Variants in CNTNAP2 observed in about 807,000 individuals in gnomAD.
The protein encoded by CNTNAP2 is contactin associated protein 2, also known as contactin-associated protein-like 2.
A neutral mutation model predicts 155.2 loss-of-function variants in CNTNAP2; 98 were observed. The observed-to-expected ratio is 0.63, with a 90% confidence interval of 0.54 to 0.75. CNTNAP2 has a LOEUF of 0.75. Ranked by LOEUF, CNTNAP2 falls within the 30% of genes least tolerant of loss-of-function variation. CNTNAP2 has a pLI of 0.00. For missense variants in CNTNAP2, 1,727 were observed against 1,688.1 expected, an observed-to-expected ratio of 1.02 and a Z score of -0.40; for synonymous variants, 651 against 631.2, an observed-to-expected ratio of 1.03 and a Z score of -0.47.
At chr7:146,984,315 C>G (rs1253652093) in intron 3 of CNTNAP2, among the ~76,000 whole-genome samples, 1 of 138,720 alleles carries the variant, frequency 7.2e-6, no homozygotes, top group Non-Finnish European at 1.5e-5. Flanking sequence ...TGTGGTGAGC[C>G]AAGATTGTGC....
chr7:147,166,253 G>T (rs763185658), intron 8 of CNTNAP2, among the ~76,000 whole-genome samples: 5 of 152,124 alleles, frequency 3.3e-5, no homozygotes, highest in Non-Finnish European at 7.4e-5. Flanking sequence ...TATCTGAATG[G>T]AACTGGAGAC....
intron 20 of CNTNAP2, among the ~76,000 whole-genome samples, chr7:148,242,417 C>T (rs1439848308): frequency 6.6e-6 from 1 of 152,210 alleles, no homozygotes; most frequent in Non-Finnish European, 1.5e-5. Flanking sequence ...TTTTGATGGA[C>T]ATGGTCCTGG....
intron 1 of CNTNAP2, among the ~76,000 whole-genome samples, chr7:146,202,527 C>A (rs1798881703): frequency 6.6e-6 from 1 of 151,986 alleles, no homozygotes; most frequent in Non-Finnish European, 1.5e-5. Context: ...ACACTTCCGG[C>A]AATCCAAACT....
At chr7:146,623,619 T>G (rs1223671560) in intron 1 of CNTNAP2, among the ~76,000 whole-genome samples, 1 of 152,212 alleles carries the variant, frequency 6.6e-6, no homozygotes, top group African/African-American at 2.4e-5. Flanking sequence ...TTAAGTTCAT[T>G]ATATAGTTGT....
chr7:147,341,576 C>T (rs1056498260), intron 9 of CNTNAP2, among the ~76,000 whole-genome samples: 8 of 152,032 alleles, frequency 5.3e-5, no homozygotes, highest in Admixed American at 3.3e-4. Context: ...ACAACATGGA[C>T]TTCAAGAGCC....
intron 1 of CNTNAP2, among the ~76,000 whole-genome samples, chr7:146,301,347 G>A (rs936668055): frequency 3.9e-5 from 6 of 151,950 alleles, no homozygotes; most frequent in African/African-American, 1.2e-4. Flanking sequence ...CATGGTGACC[G>A]GGCACAGTGA....
intron 1 of CNTNAP2, among the ~76,000 whole-genome samples, chr7:146,430,840 T>C (rs983744798): frequency 1.3e-5 from 2 of 152,036 alleles, no homozygotes; most frequent in African/African-American, 4.8e-5. Flanking sequence ...TAGAGCTTCA[T>C]ATGATCAAGA....
chr7:147,778,840 G>T (rs1797625260), intron 13 of CNTNAP2, among the ~76,000 whole-genome samples: 1 of 152,044 alleles, frequency 6.6e-6, no homozygotes, highest in Non-Finnish European at 1.5e-5. Context: ...TGAAATCAAA[G>T]GAGCTGCTAT....
At chr7:148,115,861 G>A (rs191040779) in intron 15 of CNTNAP2, among the ~76,000 whole-genome samples, 19 of 152,084 alleles carry the variant, frequency 1.2e-4, no homozygotes, top group Non-Finnish European at 2.1e-4. Context: ...AATAGCAGCC[G>A]AGCATGGTGG....
intron 8 of CNTNAP2, among the ~76,000 whole-genome samples, chr7:147,213,135 A>C (rs1485512602): frequency 6.6e-6 from 1 of 152,146 alleles, no homozygotes; most frequent in Non-Finnish European, 1.5e-5. Flanking sequence ...AAATTGAAAA[A>C]TGAGAAAAGC....
At chr7:147,193,631 G>A (rs1350655396) in intron 8 of CNTNAP2, among the ~76,000 whole-genome samples, 1 of 152,178 alleles carries the variant, frequency 6.6e-6, no homozygotes. Context: ...GGAGCTCATG[G>A]AAGCCCTGCT....
At chr7:147,568,196 A>G (rs1254728079) in intron 12 of CNTNAP2, among the ~76,000 whole-genome samples, 1 of 152,246 alleles carries the variant, frequency 6.6e-6, no homozygotes, top group Non-Finnish European at 1.5e-5. Context: ...CAAAAAAAAA[A>G]AGGAAAATAT....
At chr7:147,932,377 A>G (rs2116800547) in intron 14 of CNTNAP2, among the ~76,000 whole-genome samples, 1 of 152,330 alleles carries the variant, frequency 6.6e-6, no homozygotes, top group East Asian at 1.9e-4. Flanking sequence ...TTTATAGACC[A>G]GTGGAAAGAG....
At chr7:146,959,841 A>G (rs542476698) in intron 3 of CNTNAP2, among the ~76,000 whole-genome samples, 1 of 152,288 alleles carries the variant, frequency 6.6e-6, no homozygotes, top group South Asian at 2.1e-4. Flanking sequence ...GGTCAAATGC[A>G]CAGAATATGG....
At chr7:147,659,808 C>T (rs1000896773) in intron 13 of CNTNAP2, among the ~76,000 whole-genome samples, 1 of 152,164 alleles carries the variant, frequency 6.6e-6, no homozygotes, top group Non-Finnish European at 1.5e-5. Flanking sequence ...TAAAACATCA[C>T]TCGATGCTGT....
chr7:147,970,339 T>C (rs1253825289), intron 14 of CNTNAP2, among the ~76,000 whole-genome samples: 1 of 152,206 alleles, frequency 6.6e-6, no homozygotes, highest in Admixed American at 6.5e-5. Flanking sequence ...AAAATTCTTA[T>C]AGGTTTTTAC....
At chr7:147,871,282 A>G (rs987803256) in intron 13 of CNTNAP2, among the ~76,000 whole-genome samples, 2 of 152,198 alleles carry the variant, frequency 1.3e-5, no homozygotes, top group Non-Finnish European at 2.9e-5. Context: ...TAACTAGTCT[A>G]AAGTCTTGCA....
At chr7:147,517,830 T>C (rs1799155358) in intron 11 of CNTNAP2, among the ~76,000 whole-genome samples, 1 of 152,206 alleles carries the variant, frequency 6.6e-6, no homozygotes, top group South Asian at 2.1e-4. Flanking sequence ...TAGCCAGTCA[T>C]TTTAGTGTCT....
At chr7:146,258,431 T>C (rs115241716) in intron 1 of CNTNAP2, among the ~76,000 whole-genome samples, 6,317 of 152,296 alleles carry the variant, frequency 0.041, 403 homozygotes, top group African/African-American at 0.14. Context: ...AATGCAATCA[T>C]TTATATTTTA....
Sources: gnomAD v4.1 joint callset for allele counts (sites outside exome capture counted in the v4.1 genomes callset) on GRCh38, gnomAD v4.1.1 for gene constraint, MANE v1.5 for transcripts, NCBI Gene and HGNC (gene_info 2026-07-23, HGNC 2026-07-21) for gene names.